The following P2RY12 variants were observed in gnomAD, a reference collection of about 807,000 sequenced individuals.
P2RY12 encodes P2Y purinoceptor 12.
In P2RY12, 3 loss-of-function variants were observed where a neutral mutation model predicts 4.5. The observed-to-expected ratio is 0.67, with a 90% CI of 0.31 to 1.74. P2RY12 has a LOEUF of 1.74. Among genes scored for constraint, P2RY12 ranks in the 40% most tolerant of loss-of-function variants. P2RY12 has a pLI of 0.09. For synonymous variants in P2RY12, 148 were observed against 154.1 expected (o/e 0.96, Z 0.29); for missense variants, 356 against 407.8 (o/e 0.87, Z 1.09).
At chr3:151,357,287 A>C (rs759206689) in intron 1 of P2RY12, 1 of 1,613,942 alleles carries the variant, frequency 6.2e-7, no homozygotes, top group Non-Finnish European at 8.5e-7. Context: ...GTTATACAAC[A>C]GGACTGTGTG....
At chr3:151,375,745 C>T (rs138228067) in intron 1 of P2RY12, among the ~76,000 whole-genome samples, 44 of 152,100 alleles carry the variant, frequency 2.9e-4, no homozygotes, top group African/African-American at 9.9e-4. Flanking sequence ...AGAGCAAGAC[C>T]TTACTTTCCA....
intron 1 of P2RY12, among the ~76,000 whole-genome samples, chr3:151,344,488 CT>C: frequency 6.6e-6 from 1 of 152,126 alleles, no homozygotes; most frequent in East Asian, 1.9e-4. Flanking sequence ...TTTAAGGCAT[CT>C]TTTAAGAGTT....
At chr3:151,340,808 T>C (rs1751714541) in intron 1 of P2RY12, 48 bp from the exon 2 acceptor site, 1 of 152,586 alleles carries the variant, frequency 6.6e-6, no homozygotes, top group South Asian at 2.1e-4. Flanking sequence ...CAATCAGAGA[T>C]TGTCTTCAAA....
chr3:151,357,079 A>C, intron 1 of P2RY12: 1 of 778,068 alleles, frequency 1.3e-6, no homozygotes, highest in Non-Finnish European at 2.0e-6. Context: ...AAGGATTAAA[A>C]ATTTTAAAAA....
intron 1 of P2RY12, among the ~76,000 whole-genome samples, chr3:151,358,280 C>T (rs921695365): frequency 2.6e-5 from 4 of 152,022 alleles, no homozygotes; most frequent in African/African-American, 9.7e-5. Flanking sequence ...AGAATATTTA[C>T]ATATTAGAAT....
intron 1 of P2RY12, among the ~76,000 whole-genome samples, chr3:151,341,927 A>G (rs931444211): frequency 8.9e-4 from 136 of 152,252 alleles, no homozygotes; most frequent in South Asian, 1.0e-3. Flanking sequence ...TTATGGCTGC[A>G]TAGTATTCCA....
intron 1 of P2RY12, among the ~76,000 whole-genome samples, chr3:151,356,927 A>AGT (rs1040125742): frequency 1.3e-5 from 2 of 152,040 alleles, no homozygotes; most frequent in African/African-American, 4.8e-5. Flanking sequence ...AGGGGAGAAA[A>AGT]GTGAGGGGTG....
At chr3:151,368,627 TTTATTTCA>T (rs1755641974) in intron 1 of P2RY12, among the ~76,000 whole-genome samples, 1 of 68,996 alleles carries the variant, frequency 1.4e-5, no homozygotes, top group Admixed American at 1.6e-4. Context: ...TTTATTTTAT[TTTATTTCA>T]TTTCATTTCA....
intron 1 of P2RY12, among the ~76,000 whole-genome samples, chr3:151,378,873 A>G (rs1711692938): frequency 6.6e-6 from 1 of 152,260 alleles, no homozygotes; most frequent in Non-Finnish European, 1.5e-5. Context: ...GACTGCTTAC[A>G]GAATGGCAAC....
intron 1 of P2RY12, chr3:151,372,887 A>T (rs944874164): frequency 2.9e-6 from 2 of 679,126 alleles, no homozygotes; most frequent in Admixed American, 6.3e-5. Flanking sequence ...CTTTATTTCG[A>T]AATAATTTTA....
intron 1 of P2RY12, among the ~76,000 whole-genome samples, chr3:151,345,517 C>CTTTTTTTTTTTTTTTTTTT (rs201731496): frequency 1.5e-5 from 2 of 131,646 alleles, no homozygotes; most frequent in Non-Finnish European, 1.6e-5. Context: ...TTTTCTTTTT[C>CTTTTTTTTTTTTTTTTTTT]TTTTTTTTTT....
chr3:151,337,492 T>A lies in P2RY12; in HGVS notation c.*325A>T, dbSNP rs981892391. 14 of 248,378 alleles carry A rather than the reference T, an allele frequency of 5.6e-5. No homozygotes were observed. The highest frequency in any genetic ancestry group is 3.0e-4 in the African/African-American group (13 of 43,402). The allele number at this position is 248,378 out of a possible 1,614,324, so 15.4% of individuals were successfully genotyped here. ...TAAAATTGTGAACGATAATGTATTT[T>A]AAAAATTACAGTAAATATTATATGA... On this transcript the variant is annotated 3_prime_UTR_variant, in exon 3 of 3. Transcript: ENST00000302632.
intron 1 of P2RY12, chr3:151,364,908 C>T (rs1577450715): frequency 9.1e-7 from 1 of 1,096,670 alleles, no homozygotes; most frequent in East Asian, 2.4e-5. Flanking sequence ...TTAATATGTC[C>T]TTAAGTGAAA....
intron 1 of P2RY12, chr3:151,383,720 A>T: frequency 1.9e-6 from 2 of 1,071,796 alleles, no homozygotes; most frequent in Non-Finnish European, 2.8e-6. Context: ...AACATAAAGC[A>T]ATGGGGTGTT....
At chr3:151,374,224 A>G (rs1031908152) in intron 1 of P2RY12, among the ~76,000 whole-genome samples, 3 of 151,936 alleles carry the variant, frequency 2.0e-5, no homozygotes, top group Non-Finnish European at 4.4e-5. Context: ...CGCTTTGTCA[A>G]AAAATGATTA....
At chr3:151,384,163 C>T (rs746267820) in intron 1 of P2RY12, 2 of 1,613,830 alleles carry the variant, frequency 1.2e-6, no homozygotes, top group Non-Finnish European at 1.7e-6. Context: ...AATGCATCCC[C>T]TGGGGGATCT....
At chr3:151,380,175 A>G (rs1711999258) in intron 1 of P2RY12, 1 of 1,611,010 alleles carries the variant, frequency 6.2e-7, no homozygotes, top group Non-Finnish European at 8.5e-7. Context: ...AAGGGACAAG[A>G]TGAACAAAGG....
At chr3:151,344,589 A>G (rs1268154225) in intron 1 of P2RY12, among the ~76,000 whole-genome samples, 1 of 152,204 alleles carries the variant, frequency 6.6e-6, no homozygotes, top group Non-Finnish European at 1.5e-5. Flanking sequence ...ATAGGTTGCT[A>G]TGTGCAGTTT....
At position 151,338,759 on chromosome 3, in the gene P2RY12, T is replaced by G; in HGVS notation, c.87A>C (p.Pro29=). Residue 29 remains proline, a synonymous_variant, in exon 3 of 3, where the codon CCA becomes CCC. Coordinates refer to ENST00000302632, the MANE Select transcript of P2RY12 (RefSeq NM_022788.5). ...RDYKITQVLF[P]LLYTVLFFVG... ...CAAAAAACAGGACAGTGTAGAGCAG[T>G]GGGAAGAGGACCTGGGTGATTTTGT... 4 of 1,613,518 alleles carry G rather than the reference T, an allele frequency of 2.5e-6. No homozygotes were observed. Among genetic ancestry groups the G allele is most frequent in the Middle Eastern group, 1.7e-4 (1 of 6,060 alleles).
Sources: allele counts gnomAD v4.1 joint callset (sites outside exome capture counted in the v4.1 genomes callset), GRCh38; gene constraint gnomAD v4.1.1; transcripts MANE v1.5; gene names NCBI Gene and HGNC (gene_info 2026-07-23, HGNC 2026-07-21).